The following ST3GAL3 variants were observed in gnomAD, a reference collection of about 807,000 sequenced individuals.
The protein encoded by ST3GAL3 is ST3 beta-galactoside alpha-2,3-sialyltransferase 3, also known as CMP-N-acetylneuraminate-beta-1,4-galactoside alpha-2,3-sialyltransferase.
Under a neutral mutation model 50.1 loss-of-function variants are expected in ST3GAL3, and 21 were observed. The observed-to-expected ratio is 0.42, with a 90% CI of 0.30 to 0.60. The LOEUF is 0.60. Ranked by LOEUF, ST3GAL3 falls within the 20% of genes least tolerant of loss-of-function variation. The pLI is 0.19. For synonymous variants in ST3GAL3, 183 were observed against 190.0 expected (o/e 0.96, Z 0.30); for missense variants, 353 against 489.4 (o/e 0.72, Z 2.63).
At chr1:43,908,233 G>A (rs1463211341) in intron 9 of ST3GAL3, among the ~76,000 whole-genome samples, 1 of 152,124 alleles carries the variant, frequency 6.6e-6, no homozygotes, top group Admixed American at 6.5e-5. Context: ...TATTTCAGCA[G>A]CTTTCTGTCT....
chr1:43,771,960 T>G (rs1695408429), intron 2 of ST3GAL3: 1 of 398,388 alleles, frequency 2.5e-6, no homozygotes, highest in Non-Finnish European at 4.4e-6. Flanking sequence ...GCATGGAAGT[T>G]AAAAGGAAAA....
At chr1:43,805,936 G>T (rs376250575) in intron 3 of ST3GAL3, among the ~76,000 whole-genome samples, 6 of 152,182 alleles carry the variant, frequency 3.9e-5, no homozygotes, top group Non-Finnish European at 7.4e-5. Context: ...GGGTTTCACC[G>T]TGTTGGTCAG....
Position 43,808,905 on chromosome 1 carries a change from A to G in ST3GAL3, c.167-5986A>G, listed in dbSNP as rs150095400. Among the ~76,000 whole-genome samples, 503 of 152,346 alleles carry G rather than the reference A, an allele frequency of 3.3e-3. 2 individuals are homozygous for G. The highest frequency in any genetic ancestry group is 0.011 in the African/African-American group (458 of 41,576). On this transcript the variant is annotated intron_variant, in intron 3 of 11. Transcript: ENST00000347631. ...CTGTATAATGCATGGGGTATCTCAT[A>G]GTGTACTCAGGAAGGTATTGCCTTA... is the stretch of plus-strand genomic sequence containing the variant.
At chr1:43,843,950 C>T (rs1378075993) in intron 5 of ST3GAL3, among the ~76,000 whole-genome samples, 1 of 152,246 alleles carries the variant, frequency 6.6e-6, no homozygotes, top group East Asian at 1.9e-4. Context: ...GTTACCTATA[C>T]ATCTCGCCAA....
intron 5 of ST3GAL3, among the ~76,000 whole-genome samples, chr1:43,890,518 A>G (rs563409413): frequency 6.6e-6 from 1 of 152,316 alleles, no homozygotes; most frequent in East Asian, 1.9e-4. Context: ...CAAGGCATAG[A>G]AAGAGCAGCT....
At chr1:43,767,924 G>C (rs1392681564) in intron 2 of ST3GAL3, among the ~76,000 whole-genome samples, 1 of 151,386 alleles carries the variant, frequency 6.6e-6, no homozygotes, top group Non-Finnish European at 1.5e-5. Context: ...ATGCATGTTA[G>C]AAAAATAACC....
At chr1:43,743,436 C>T (rs1231268119) in intron 2 of ST3GAL3, 6 of 345,048 alleles carry the variant, frequency 1.7e-5, no homozygotes, top group East Asian at 8.9e-5. Flanking sequence ...TCCCTGTGGC[C>T]CATGAAATGC....
chr1:43,819,630 A>G (rs1274333411), intron 4 of ST3GAL3, among the ~76,000 whole-genome samples: 33 of 141,966 alleles, frequency 2.3e-4, no homozygotes, highest in Admixed American at 2.3e-3. Flanking sequence ...GCATAGAAAT[A>G]CTCCTTTAAA....
intron 2 of ST3GAL3, among the ~76,000 whole-genome samples, chr1:43,757,255 G>T (rs1312232424): frequency 2.0e-5 from 3 of 152,060 alleles, no homozygotes; most frequent in Non-Finnish European, 2.9e-5. Context: ...ATCCCAGAAG[G>T]CTTGGGTTTT....
chr1:43,834,576 C>T (rs1002029446), intron 4 of ST3GAL3, among the ~76,000 whole-genome samples: 4 of 152,156 alleles, frequency 2.6e-5, no homozygotes, highest in African/African-American at 9.7e-5. Flanking sequence ...CTTCGTTGAC[C>T]ACAGCCTCAC....
In ST3GAL3 at chr1:43,838,146, A is replaced by T. The variant is rs184545374; in HGVS notation, c.210-73A>T. ...AAAAAAAAAAGGGTTAAACACCTAC[A>T]GCTCCTTATGAATTAATAACCCACT... is the stretch of plus-strand genomic sequence containing the variant. On this transcript the variant is annotated intron_variant, in intron 4 of 11. Coordinates refer to ENST00000347631, the MANE Select transcript of ST3GAL3 (RefSeq NM_006279.5). The T allele has an allele frequency of 7.8e-5, 72 of 920,274 alleles. No homozygotes were observed. In the African/African-American group the frequency reaches 1.3e-3, roughly 16 times the overall value. The allele number at this position is 920,274 out of a possible 1,614,324, so 57.0% of individuals were successfully genotyped here. A position where few individuals can be genotyped will look rare whatever the true frequency, so the allele number is the denominator to read the frequency against.
Position 43,851,610 on chromosome 1 carries a change from C to A in ST3GAL3, c.302+13299C>A, listed in dbSNP as rs3791079. ...AATCAGCTCCAATCCAGCCCTCTGC[C>A]GGTACTCTCCTTAATGATGTTGTAA... On this transcript the variant is annotated intron_variant, in intron 5 of 11. Coordinates refer to ENST00000347631, the MANE Select transcript of ST3GAL3 (RefSeq NM_006279.5). 39 of 1,313,312 alleles carry A rather than the reference C, an allele frequency of 3.0e-5. No homozygotes were observed. In the African/African-American group the frequency reaches 5.4e-4, roughly 18 times the overall value. The allele number at this position is 1,313,312 out of a possible 1,614,324, so 81.4% of individuals were successfully genotyped here.
chr1:43,768,163 A>AGT lies in ST3GAL3; in HGVS notation c.119-23937_119-23936dup, dbSNP rs200738978. 1.0e-3 allele frequency among the ~76,000 whole-genome samples: 152 copies of AGT among 152,360 alleles called. No individual in the cohort carries two copies. In the East Asian group the frequency reaches 0.018, roughly 18 times the overall value. On this transcript the variant is annotated intron_variant, in intron 2 of 11. Transcript: ENST00000347631. ...AATAAAATTGACAAATGCTGGGCAC[A>AGT]GTGGCTCATGCCTATAATCCCAGCA... is the stretch of plus-strand genomic sequence containing the variant.
chr1:43,758,165 C>G (rs1490706725), intron 2 of ST3GAL3, among the ~76,000 whole-genome samples: 5 of 138,128 alleles, frequency 3.6e-5, no homozygotes, highest in African/African-American at 1.3e-4. Context: ...GCATACCACC[C>G]CCCCCCCCAA....
rs113317624 is a variant in ST3GAL3, at chr1:43,750,518, G to C, written c.118+14138G>C. On this transcript the variant is annotated intron_variant, in intron 2 of 11. Coordinates refer to ENST00000347631, the MANE Select transcript of ST3GAL3 (RefSeq NM_006279.5). ...TATAAAGAACTAAATTAAAGTACTAGAAAACAATAAAGAATATGATATTGG... is the reference window on the plus strand; with the variant it reads ...TATAAAGAACTAAATTAAAGTACTACAAAACAATAAAGAATATGATATTGG... 5.3e-3 allele frequency among the ~76,000 whole-genome samples: 809 copies of C among 152,210 alleles called. 16 individuals carry two copies. Among genetic ancestry groups the C allele is most frequent in the African/African-American group, 0.018 (752 of 41,524 alleles).
At chr1:43,716,602 A>G (rs1047992487) in intron 1 of ST3GAL3, 1 of 152,206 alleles carries the variant, frequency 6.6e-6, no homozygotes, top group Non-Finnish European at 1.5e-5. Flanking sequence ...TATTGATGTC[A>G]TCTGTACTAC....
chr1:43,733,132 C>CT (rs1676662279), intron 1 of ST3GAL3, among the ~76,000 whole-genome samples: 1 of 152,052 alleles, frequency 6.6e-6, no homozygotes, highest in Admixed American at 6.6e-5. Context: ...GTAGCTGGGA[C>CT]TATAGGCACA....
At chr1:43,843,190 C>T (rs1267299572) in intron 5 of ST3GAL3, among the ~76,000 whole-genome samples, 1 of 152,196 alleles carries the variant, frequency 6.6e-6, no homozygotes, top group South Asian at 2.1e-4. Context: ...TAGTCTTTCA[C>T]CATTATGGTG....
At position 43,744,852 on chromosome 1, in the gene ST3GAL3, G is replaced by C. The variant is rs971547351; in HGVS notation, c.118+8472G>C. Among the ~76,000 whole-genome samples, 22 of 151,848 alleles carry C rather than the reference G, an allele frequency of 1.4e-4. No individual in the cohort carries two copies. In the East Asian group the frequency reaches 4.1e-3, roughly 28 times the overall value. On this transcript the variant is annotated intron_variant, in intron 2 of 11. Coordinates refer to ENST00000347631, the MANE Select transcript of ST3GAL3 (RefSeq NM_006279.5). ...ATAATAATACAAAAATTAGCTTGGCGTGATGGCATGTGCCTGTAATCCCAG... is the reference window on the plus strand; with the variant it reads ...ATAATAATACAAAAATTAGCTTGGCCTGATGGCATGTGCCTGTAATCCCAG...
Sources: allele counts gnomAD v4.1 joint callset (sites outside exome capture counted in the v4.1 genomes callset), GRCh38; gene constraint gnomAD v4.1.1; transcripts MANE v1.5; gene names NCBI Gene and HGNC (gene_info 2026-07-23, HGNC 2026-07-21).